The following TTC7B variants were observed in gnomAD, a reference collection of about 807,000 sequenced individuals.
The protein encoded by TTC7B is tetratricopeptide repeat protein 7B.
Under a neutral mutation model 106.8 loss-of-function variants are expected in TTC7B, and 28 were observed. The ratio of observed to expected loss-of-function variants is 0.26; its 90% CI spans 0.19 to 0.36. TTC7B has a LOEUF of 0.36. Among genes scored for constraint, TTC7B ranks in the 10% least tolerant of loss-of-function variants. The pLI, the probability that TTC7B is intolerant of heterozygous loss-of-function variation, is 1.00. For synonymous variants in TTC7B, 405 were observed against 430.6 expected (o/e 0.94, Z 0.74); for missense variants, 862 against 1,076.4 (o/e 0.80, Z 2.79).
At chr14:90,769,012 A>G in intron 3 of TTC7B, among the ~76,000 whole-genome samples, 1 of 152,198 alleles carries the variant, frequency 6.6e-6, no homozygotes, top group Non-Finnish European at 1.5e-5. Flanking sequence ...CAATGGGTAA[A>G]GATATAATTT....
At chr14:90,658,523 C>T in intron 9 of TTC7B, 136 bp from the exon 10 acceptor site, 3 of 810,786 alleles carry the variant, frequency 3.7e-6, no homozygotes, top group Non-Finnish European at 6.0e-6. Context: ...AAACATAATC[C>T]ACCACCAAAC....
intron 2 of TTC7B, among the ~76,000 whole-genome samples, chr14:90,783,028 GC>G (rs1891271131): frequency 1.3e-5 from 2 of 152,182 alleles, no homozygotes; most frequent in African/African-American, 4.8e-5. Context: ...TAGAGGCACA[GC>G]TTGGACACAC....
chr14:90,645,618 T>C (rs1885411506), intron 14 of TTC7B, among the ~76,000 whole-genome samples: 1 of 152,182 alleles, frequency 6.6e-6, no homozygotes, highest in African/African-American at 2.4e-5. Flanking sequence ...CAACCTACTA[T>C]GTGAATAGCA....
At chr14:90,641,946 T>C (rs1885196365) in intron 15 of TTC7B, among the ~76,000 whole-genome samples, 1 of 151,912 alleles carries the variant, frequency 6.6e-6, no homozygotes, top group Non-Finnish European at 1.5e-5. Context: ...TGTGTGTGTG[T>C]GTGTGTGTGT....
At chr14:90,756,429 T>C (rs1348999748) in intron 3 of TTC7B, among the ~76,000 whole-genome samples, 4 of 151,568 alleles carry the variant, frequency 2.6e-5, no homozygotes, top group Admixed American at 2.0e-4. Context: ...GTTTCAGTCT[T>C]GTCACCTAGG....
chr14:90,718,451 G>A (rs1229266570), intron 5 of TTC7B, among the ~76,000 whole-genome samples: 1 of 152,222 alleles, frequency 6.6e-6, no homozygotes, highest in Admixed American at 6.5e-5. Context: ...TCCAGAAAAT[G>A]TGTTATTTCT....
At chr14:90,685,214 A>G (rs1184538819) in intron 7 of TTC7B, among the ~76,000 whole-genome samples, 1 of 152,152 alleles carries the variant, frequency 6.6e-6, no homozygotes, top group Non-Finnish European at 1.5e-5. Context: ...CACTTATTAT[A>G]CTTCTCATAA....
intron 1 of TTC7B, among the ~76,000 whole-genome samples, chr14:90,790,311 C>T (rs2140045053): frequency 6.6e-6 from 1 of 151,554 alleles, no homozygotes; most frequent in Non-Finnish European, 1.5e-5. Context: ...AAAAAAGTAA[C>T]TCTTCTTTAA....
Position 90,689,675 on chromosome 14 carries a change from C to A in TTC7B, c.815G>T (p.Gly272Val), listed in dbSNP as rs1021609090. The A allele has an allele frequency of 1.2e-6, 2 of 1,614,044 alleles. No homozygotes were observed. Among genetic ancestry groups the A allele is most frequent in the African/African-American group, 2.7e-5 (2 of 74,922 alleles). The stretch of plus-strand genomic sequence containing the variant: ...GTTCCAGTAGCTCTGCTCACACATA[C>A]CCCGCAACAAGATCTCTGCCAGCTG... ...ARQLAEILLRGMCEQSYWNPL... is the reference protein window; with the variant it reads ...ARQLAEILLRVMCEQSYWNPL... Residue 272 changes from glycine to valine, a missense_variant, in exon 7 of 20, where the codon GGT becomes GTT. Transcript: ENST00000328459.
At chr14:90,782,301 A>C (rs1286847532) in intron 2 of TTC7B, among the ~76,000 whole-genome samples, 1 of 152,160 alleles carries the variant, frequency 6.6e-6, no homozygotes, top group Non-Finnish European at 1.5e-5. Context: ...CTCAGAAAAG[A>C]GAAAAAAAGC....
chr14:90,730,235 A>C (rs1363848989), intron 4 of TTC7B, 39 bp from the exon 5 acceptor site: 1 of 1,579,644 alleles, frequency 6.3e-7, no homozygotes, highest in Non-Finnish European at 8.6e-7. Flanking sequence ...TCAGATGCAC[A>C]TCCAAGCCTA....
chr14:90,630,036 C>A (rs547393553), intron 15 of TTC7B, among the ~76,000 whole-genome samples: 2 of 152,220 alleles, frequency 1.3e-5, no homozygotes, highest in African/African-American at 4.8e-5. Flanking sequence ...TGGGCCAGCA[C>A]CACTCCTAAT....
chr14:90,543,343 G>A lies in TTC7B; in HGVS notation c.2311-1754C>T, dbSNP rs147648117. On this transcript the variant is annotated intron_variant, in intron 19 of 19. Transcript: ENST00000328459. Reference sequence around the variant, plus strand: ...ACTACTTTATCTTGGCAGAGTGATGGATTCCTCCTACTTTGCTAGACACAA... The same window carrying A: ...ACTACTTTATCTTGGCAGAGTGATGAATTCCTCCTACTTTGCTAGACACAA... Among the ~76,000 whole-genome samples the A allele has an allele frequency of 3.0e-3, 451 of 152,156 alleles. 2 individuals are homozygous for A. The highest frequency in any genetic ancestry group is 7.7e-3 in the South Asian group (37 of 4,814).
chr14:90,703,584 A>C (rs1213650728), intron 5 of TTC7B, among the ~76,000 whole-genome samples: 1 of 152,206 alleles, frequency 6.6e-6, no homozygotes, highest in East Asian at 1.9e-4. Context: ...ATTTGAAAGA[A>C]AGGGAAAAAA....
chr14:90,776,688 A>T (rs1891042202), intron 3 of TTC7B, among the ~76,000 whole-genome samples: 1 of 152,146 alleles, frequency 6.6e-6, no homozygotes. Context: ...AAGAAACCTT[A>T]CCCAGCCCAA....
At chr14:90,653,599 G>A (rs1228299094) in intron 12 of TTC7B, among the ~76,000 whole-genome samples, 1 of 152,180 alleles carries the variant, frequency 6.6e-6, no homozygotes, top group Admixed American at 6.5e-5. Context: ...TTTTTACTAG[G>A]GCAAGAGAAA....
intron 15 of TTC7B, among the ~76,000 whole-genome samples, chr14:90,635,498 C>T (rs760777338): frequency 6.6e-6 from 1 of 152,150 alleles, no homozygotes; most frequent in Non-Finnish European, 1.5e-5. Context: ...CAGTGGTTCA[C>T]GCCTGTAATC....
chr14:90,722,839 C>G (rs569223630), intron 5 of TTC7B, among the ~76,000 whole-genome samples: 58 of 152,334 alleles, frequency 3.8e-4, no homozygotes, highest in African/African-American at 1.2e-3. Flanking sequence ...CACACCCTCA[C>G]GATTTCCCTT....
chr14:90,668,827 C>CT (rs11291974), intron 9 of TTC7B, among the ~76,000 whole-genome samples: 1,257 of 88,536 alleles, frequency 0.014, 55 homozygotes, highest in African/African-American at 0.032. Context: ...AAAATTTCAA[C>CT]TTTTTTTTTT....
Sources: gnomAD v4.1 joint callset for allele counts (sites outside exome capture counted in the v4.1 genomes callset) on GRCh38, gnomAD v4.1.1 for gene constraint, MANE v1.5 for transcripts, NCBI Gene and HGNC (gene_info 2026-07-23, HGNC 2026-07-21) for gene names.